The following RHEB variants were observed in gnomAD, a reference collection of about 807,000 sequenced individuals.
RHEB encodes the protein GTP-binding protein Rheb.
In RHEB, 2 loss-of-function variants were observed where a neutral mutation model predicts 28.8. The ratio of observed to expected loss-of-function variants is 0.07; its 90% CI spans 0.03 to 0.22. RHEB has a LOEUF of 0.22. RHEB is among the 10% of genes least tolerant of loss of function. RHEB has a pLI of 1.00. For synonymous variants in RHEB, 69 were observed against 77.3 expected, an observed-to-expected ratio of 0.89 and a Z score of 0.56; for missense variants, 76 against 219.9, an observed-to-expected ratio of 0.35 and a Z score of 4.14.
Position 151,484,790 on chromosome 7 carries a change from T to C in RHEB, c.139A>G (p.Ile47Val). 1 of 1,612,296 alleles carries C rather than the reference T, an allele frequency of 6.2e-7. No individual in the cohort carries two copies. The highest frequency in any genetic ancestry group is 2.2e-5 in the East Asian group (1 of 44,870). The change falls in exon 3 of 8, where the codon ATC (isoleucine) becomes GTC (valine). Residue 47 changes from isoleucine (I) to valine (V), a missense_variant. By Grantham distance (29) the Ile-to-Val change is conservative. Coordinates refer to ENST00000262187, the MANE Select transcript of RHEB (RefSeq NM_005614.4). ...TGATATTCTTGTCCATTTACTGTGA[T>C]CAACTTTGTAAAAGCTACAGGGAAA... is the stretch of plus-strand genomic sequence containing the variant. ...PTIENTFTKL[I>V]TVNGQEYHLQ... is the part of the protein sequence containing the mutation.
At chr7:151,480,082 G>C (rs1802355480) in intron 3 of RHEB, among the ~76,000 whole-genome samples, 1 of 152,188 alleles carries the variant, frequency 6.6e-6, no homozygotes, top group South Asian at 2.1e-4. Context: ...CATAGTGCTG[G>C]TGAGGGTGTA....
intron 1 of RHEB, chr7:151,502,787 G>A: frequency 7.0e-7 from 1 of 1,438,206 alleles, no homozygotes; most frequent in Non-Finnish European, 9.8e-7. Flanking sequence ...AAGTAGCAGA[G>A]ACTGCTGTGC....
chr7:151,490,873 T>G, intron 2 of RHEB, 70 bp downstream of exon 2: 1 of 1,159,874 alleles, frequency 8.6e-7, no homozygotes, highest in Non-Finnish European at 1.3e-6. Context: ...AAAGCCTCCA[T>G]GAATACACAA....
chr7:151,495,160 A>G (rs1349199896), intron 1 of RHEB, among the ~76,000 whole-genome samples: 1 of 152,208 alleles, frequency 6.6e-6, no homozygotes, highest in Non-Finnish European at 1.5e-5. Context: ...GTCTGGAAAC[A>G]CTGTTACTCG....
intron 1 of RHEB, among the ~76,000 whole-genome samples, chr7:151,513,695 A>G (rs1486559632): frequency 6.6e-6 from 1 of 152,224 alleles, no homozygotes; most frequent in Non-Finnish European, 1.5e-5. Context: ...TTCTTTGCAA[A>G]CTATCACTTA....
intron 1 of RHEB, chr7:151,498,127 C>T: frequency 7.8e-7 from 1 of 1,289,710 alleles, no homozygotes. Context: ...CCTGTGCGCC[C>T]TGCAGAACTA....
chr7:151,476,639 A>G (rs954377188), intron 4 of RHEB, among the ~76,000 whole-genome samples: 3 of 152,238 alleles, frequency 2.0e-5, no homozygotes, highest in Non-Finnish European at 2.9e-5. Context: ...CAAACTCCCT[A>G]ACATGTCGCA....
chr7:151,498,965 A>C (rs1802720998), intron 1 of RHEB, among the ~76,000 whole-genome samples: 1 of 152,246 alleles, frequency 6.6e-6, no homozygotes, highest in African/African-American at 2.4e-5. Flanking sequence ...CTATCTGTTA[A>C]ACAGCTATTA....
intron 1 of RHEB, among the ~76,000 whole-genome samples, chr7:151,498,450 G>T (rs1802712107): frequency 6.6e-6 from 1 of 151,800 alleles, no homozygotes; most frequent in East Asian, 1.9e-4. Flanking sequence ...GACCCCCCCA[G>T]TCTCTATAAA....
chr7:151,489,480 G>A (rs1160867896), intron 2 of RHEB, among the ~76,000 whole-genome samples: 1 of 152,110 alleles, frequency 6.6e-6, no homozygotes, highest in African/African-American at 2.4e-5. Context: ...AAATATTCCT[G>A]GAGTTAGTTT....
At chr7:151,509,099 C>G (rs1295698560) in intron 1 of RHEB, among the ~76,000 whole-genome samples, 2 of 152,224 alleles carry the variant, frequency 1.3e-5, no homozygotes, top group Admixed American at 6.5e-5. Context: ...GCAGGAATGA[C>G]AAACATCCTT....
At chr7:151,508,348 C>T (rs1379568231) in intron 1 of RHEB, among the ~76,000 whole-genome samples, 1 of 152,100 alleles carries the variant, frequency 6.6e-6, no homozygotes, top group Non-Finnish European at 1.5e-5. Context: ...TTAAAATCTG[C>T]GCTGACCTCA....
chr7:151,480,389 A>C (rs1802361418), intron 3 of RHEB, among the ~76,000 whole-genome samples: 2 of 152,066 alleles, frequency 1.3e-5, no homozygotes, highest in Non-Finnish European at 2.9e-5. Context: ...TTTTGTGTAA[A>C]AAGGAAAAAA....
chr7:151,471,782 C>G (rs1228403761), intron 4 of RHEB, 177 bp from the exon 5 acceptor site: 1 of 549,452 alleles, frequency 1.8e-6, no homozygotes, highest in East Asian at 3.1e-5. Flanking sequence ...GTGCATACAT[C>G]TGACACTCAG....
chr7:151,498,549 C>T (rs1241606842), intron 1 of RHEB, among the ~76,000 whole-genome samples: 2 of 152,046 alleles, frequency 1.3e-5, no homozygotes, highest in Admixed American at 1.3e-4. Flanking sequence ...ACCACTTGAG[C>T]CCGGGAGGTC....
intron 1 of RHEB, among the ~76,000 whole-genome samples, chr7:151,514,951 A>T (rs1342304957): frequency 5.3e-5 from 8 of 152,094 alleles, no homozygotes; most frequent in Non-Finnish European, 1.2e-4. Context: ...AGGCAGGAGG[A>T]TCACTTGAGT....
chr7:151,510,663 A>G (rs1802964650), intron 1 of RHEB, among the ~76,000 whole-genome samples: 1 of 152,228 alleles, frequency 6.6e-6, no homozygotes, highest in Non-Finnish European at 1.5e-5. Flanking sequence ...ATGAACACCT[A>G]ATTTGAATAA....
intron 1 of RHEB, chr7:151,502,786 A>G: frequency 7.0e-7 from 1 of 1,437,194 alleles, no homozygotes; most frequent in Non-Finnish European, 9.8e-7. Context: ...AAAGTAGCAG[A>G]GACTGCTGTG....
intron 2 of RHEB, among the ~76,000 whole-genome samples, chr7:151,488,844 C>G (rs1329360777): frequency 1.3e-5 from 2 of 152,174 alleles, no homozygotes; most frequent in Non-Finnish European, 2.9e-5. Context: ...GAGATAACAT[C>G]AAGTTACATA....
Sources: gnomAD v4.1 joint callset for allele counts (sites outside exome capture counted in the v4.1 genomes callset) on GRCh38, gnomAD v4.1.1 for gene constraint, MANE v1.5 for transcripts, NCBI Gene and HGNC (gene_info 2026-07-23, HGNC 2026-07-21) for gene names.